CCDC7: variants seen among roughly 807,000 people sequenced by gnomAD.
CCDC7 encodes coiled-coil domain-containing protein 7.
Under a neutral mutation model 196.9 loss-of-function variants are expected in CCDC7, and 183 were observed. The observed-to-expected ratio is 0.93, with a 90% confidence interval of 0.82 to 1.05. CCDC7 has a LOEUF of 1.05. Among genes scored for constraint, CCDC7 ranks in the 50% least tolerant of loss-of-function variants. The pLI is 0.00. For synonymous variants in CCDC7, 525 were observed against 484.6 expected (o/e 1.08, Z -1.10); for missense variants, 1,540 against 1,482.2 (o/e 1.04, Z -0.64).
chr10:32,603,708 A>G (rs2061307163), intron 18 of CCDC7, among the ~76,000 whole-genome samples: 1 of 151,840 alleles, frequency 6.6e-6, no homozygotes, highest in African/African-American at 2.4e-5. Flanking sequence ...ATGATTAATG[A>G]TGTTGAGCAT....
chr10:32,780,934 T>G (rs2080962108), intron 29 of CCDC7, among the ~76,000 whole-genome samples: 1 of 152,030 alleles, frequency 6.6e-6, no homozygotes, highest in South Asian at 2.1e-4. Context: ...CTAGATTGAC[T>G]AGAGAAAAAT....
chr10:32,562,589 C>G (rs1342649891), intron 13 of CCDC7, among the ~76,000 whole-genome samples: 3 of 152,118 alleles, frequency 2.0e-5, no homozygotes, highest in Non-Finnish European at 4.4e-5. Context: ...AGGCCTTTGA[C>G]AAAATTCAAC....
intron 29 of CCDC7, among the ~76,000 whole-genome samples, chr10:32,796,773 A>C (rs1346411473): frequency 6.6e-6 from 1 of 152,220 alleles, no homozygotes; most frequent in Non-Finnish European, 1.5e-5. Flanking sequence ...TGTACAATAT[A>C]TTATAAGGCA....
At chr10:32,793,419 T>C (rs2083035884) in intron 29 of CCDC7, among the ~76,000 whole-genome samples, 1 of 152,238 alleles carries the variant, frequency 6.6e-6, no homozygotes, top group Admixed American at 6.5e-5. Context: ...AATCCATTAC[T>C]GTAGTACCTG....
At chr10:32,749,914 T>G (rs1565385730) in intron 28 of CCDC7, among the ~76,000 whole-genome samples, 1 of 152,166 alleles carries the variant, frequency 6.6e-6, no homozygotes, top group Non-Finnish European at 1.5e-5. Flanking sequence ...AAATCTTCAG[T>G]GTATCTCTCA....
chr10:32,601,427 G>T (rs1476444419), intron 18 of CCDC7, among the ~76,000 whole-genome samples: 1 of 152,192 alleles, frequency 6.6e-6, no homozygotes, highest in Admixed American at 6.5e-5. Context: ...ACTTTTGACT[G>T]TTCTGCAGAC....
chr10:32,472,762 A>AT (rs533223630), intron 7 of CCDC7, among the ~76,000 whole-genome samples: 111 of 144,470 alleles, frequency 7.7e-4, no homozygotes, highest in Admixed American at 1.2e-3. Flanking sequence ...AGGCCAGCTG[A>AT]TTTTTTTTTT....
At chr10:32,487,778 C>A (rs982166866) in intron 8 of CCDC7, among the ~76,000 whole-genome samples, 2 of 152,210 alleles carry the variant, frequency 1.3e-5, no homozygotes, top group Non-Finnish European at 2.9e-5. Flanking sequence ...TGGGTATCAG[C>A]AGCGGAGGCT....
At chr10:32,473,409 G>C (rs2038351397) in intron 7 of CCDC7, among the ~76,000 whole-genome samples, 1 of 152,166 alleles carries the variant, frequency 6.6e-6, no homozygotes, top group Non-Finnish European at 1.5e-5. Flanking sequence ...AGTAACAGAG[G>C]GCCTAGTCAT....
chr10:32,773,177 G>T (rs1295017992), intron 28 of CCDC7, among the ~76,000 whole-genome samples: 1 of 152,150 alleles, frequency 6.6e-6, no homozygotes, highest in African/African-American at 2.4e-5. Context: ...TTTGACTGGT[G>T]ACCTGAGCTT....
chr10:32,804,782 G>T (rs531731548), intron 29 of CCDC7, among the ~76,000 whole-genome samples: 4 of 152,212 alleles, frequency 2.6e-5, no homozygotes, highest in Non-Finnish European at 2.9e-5. Context: ...ATGTGGTCTT[G>T]GTCGAATCAC....
intron 28 of CCDC7, 66 bp from the exon 30 acceptor site, chr10:32,778,911 T>C: frequency 7.7e-6 from 9 of 1,161,768 alleles, no homozygotes; most frequent in Non-Finnish European, 1.1e-5. Flanking sequence ...TTACATGCAT[T>C]GCTAGGTGTT....
At chr10:32,687,221 T>A (rs955715760) in intron 22 of CCDC7, among the ~76,000 whole-genome samples, 3 of 152,188 alleles carry the variant, frequency 2.0e-5, no homozygotes, top group African/African-American at 7.2e-5. Flanking sequence ...AATAGTCTCA[T>A]GAACATCTTT....
intron 31 of CCDC7, among the ~76,000 whole-genome samples, chr10:32,818,757 T>C (rs1470395642): frequency 1.3e-5 from 2 of 152,172 alleles, no homozygotes; most frequent in South Asian, 4.1e-4. Context: ...AGATGTTCTT[T>C]GAAACCAATG....
intron 39 of CCDC7, among the ~76,000 whole-genome samples, chr10:32,849,895 A>G (rs1246101556): frequency 6.6e-6 from 1 of 152,060 alleles, no homozygotes; most frequent in African/African-American, 2.4e-5. Flanking sequence ...AGATTGGATG[A>G]TGCTAGTGTC....
intron 9 of CCDC7, among the ~76,000 whole-genome samples, chr10:32,497,859 T>C (rs774085774): frequency 1.3e-5 from 2 of 152,228 alleles, no homozygotes; most frequent in Non-Finnish European, 2.9e-5. Flanking sequence ...TTGAGAAGAA[T>C]GTATATTCTG....
intron 5 of CCDC7, among the ~76,000 whole-genome samples, chr10:32,464,798 A>C (rs1003750558): frequency 6.6e-6 from 1 of 152,170 alleles, no homozygotes; most frequent in Non-Finnish European, 1.5e-5. Context: ...GGCGTGAGCC[A>C]CTGTGCCCTG....
intron 9 of CCDC7, among the ~76,000 whole-genome samples, chr10:32,508,779 C>G (rs187406582): frequency 6.6e-6 from 1 of 151,588 alleles, no homozygotes; most frequent in South Asian, 2.1e-4. Flanking sequence ...TACAAGCGCC[C>G]GCCACCATGC....
At chr10:32,529,317 G>C (rs1311826050) in intron 11 of CCDC7, among the ~76,000 whole-genome samples, 1 of 152,142 alleles carries the variant, frequency 6.6e-6, no homozygotes, top group African/African-American at 2.4e-5. Flanking sequence ...ACTGCGCCCA[G>C]CCTACTTGTA....
Sources: gnomAD v4.1 joint callset for allele counts (sites outside exome capture counted in the v4.1 genomes callset) on GRCh38, gnomAD v4.1.1 for gene constraint, MANE v1.5 for transcripts, NCBI Gene and HGNC (gene_info 2026-07-23, HGNC 2026-07-21) for gene names.